The following SEMA5A variants were observed in gnomAD, a reference collection of about 807,000 sequenced individuals.
SEMA5A encodes the protein semaphorin 5A, also known as semaphorin-5A.
A neutral mutation model predicts 135.5 loss-of-function variants in SEMA5A; 55 were observed. The ratio of observed to expected loss-of-function variants is 0.41; its 90% CI spans 0.33 to 0.51. The LOEUF is 0.51. Among genes scored for constraint, SEMA5A ranks in the 20% least tolerant of loss-of-function variants. The pLI is 0.37. For missense variants in SEMA5A, 1,290 were observed against 1,419.9 expected (o/e 0.91, Z 1.47); for synonymous variants, 580 against 546.5 (o/e 1.06, Z -0.85).
chr5:9,109,423 G>A (rs149326955), intron 15 of SEMA5A, among the ~76,000 whole-genome samples: 3 of 152,282 alleles, frequency 2.0e-5, no homozygotes, highest in East Asian at 1.9e-4. Context: ...AAACAGCCTG[G>A]CATTCTACAG....
chr5:9,483,894 A>C (rs1168547983), intron 1 of SEMA5A, among the ~76,000 whole-genome samples: 4 of 152,246 alleles, frequency 2.6e-5, no homozygotes, highest in Non-Finnish European at 4.4e-5. Flanking sequence ...GACACAGATC[A>C]TTCCAGAGGT....
At chr5:9,312,047 C>G (rs1405963408) in intron 5 of SEMA5A, among the ~76,000 whole-genome samples, 4 of 152,096 alleles carry the variant, frequency 2.6e-5, no homozygotes, top group Non-Finnish European at 5.9e-5. Flanking sequence ...GCTCCAGCCC[C>G]TTTGTGTTTT....
At chr5:9,222,385 A>G (rs1470277608) in intron 8 of SEMA5A, among the ~76,000 whole-genome samples, 2 of 152,164 alleles carry the variant, frequency 1.3e-5, no homozygotes, top group African/African-American at 4.8e-5. Flanking sequence ...TATGAAGACA[A>G]CACTTCATAT....
intron 1 of SEMA5A, among the ~76,000 whole-genome samples, chr5:9,475,768 T>A (rs1388855032): frequency 1.3e-5 from 2 of 152,204 alleles, no homozygotes; most frequent in Non-Finnish European, 2.9e-5. Context: ...GTATTATCAG[T>A]GCCAAGCAAA....
chr5:9,288,072 T>C (rs148827033), intron 5 of SEMA5A, among the ~76,000 whole-genome samples: 123 of 152,202 alleles, frequency 8.1e-4, no homozygotes, highest in Middle Eastern at 6.8e-3. Flanking sequence ...ATGACATATC[T>C]AAAATAGAAT....
chr5:9,160,425 A>G (rs1413611389), intron 11 of SEMA5A, among the ~76,000 whole-genome samples: 1 of 152,238 alleles, frequency 6.6e-6, no homozygotes, highest in Non-Finnish European at 1.5e-5. Context: ...AAAAGTTCAC[A>G]TAACTATAGA....
chr5:9,077,066 A>G (rs760494543), intron 16 of SEMA5A, among the ~76,000 whole-genome samples: 2 of 152,188 alleles, frequency 1.3e-5, no homozygotes, highest in East Asian at 1.9e-4. Flanking sequence ...TGGGAGTCAC[A>G]GGGTAACTTA....
rs144689039 is a variant in SEMA5A at position 9,127,600 on chromosome 5, T to A, written c.1600-4763A>T. 2.8e-3 allele frequency among the ~76,000 whole-genome samples: 420 copies of A among 152,308 alleles called. 2 individuals are homozygous for A. Among genetic ancestry groups the A allele is most frequent in the Non-Finnish European group, 4.9e-3 (336 of 68,028 alleles). ...CTGCCTCACTCTTTGGTTTCTTGGGTCCTTCTGTGTTTGGGGGTTTATTTG... is the reference window on the plus strand; with the variant it reads ...CTGCCTCACTCTTTGGTTTCTTGGGACCTTCTGTGTTTGGGGGTTTATTTG... On this transcript the variant is annotated intron_variant, in intron 13 of 22. Coordinates refer to ENST00000382496, the MANE Select transcript of SEMA5A (RefSeq NM_003966.3).
At chr5:9,512,126 TAGAAAAGAGAGG>T (rs33911786) in intron 1 of SEMA5A, 89,670 of 151,518 alleles carry the variant, frequency 0.59, 27,318 homozygotes, top group African/African-American at 0.64. Flanking sequence ...TTGTGGCTTC[TAGAAAAGAGAGG>T]AGCTGACATA....
Position 9,434,671 on chromosome 5 carries a change from C to A in SEMA5A, c.-78+3085G>T, listed in dbSNP as rs553762738. 4.9e-4 allele frequency among the ~76,000 whole-genome samples: 74 copies of A among 152,146 alleles called. No individual in the cohort carries two copies. In the South Asian group the frequency reaches 0.014, roughly 29 times the overall value. On this transcript the variant is annotated intron_variant, in intron 2 of 22. Transcript: ENST00000382496. ...AATATATTATTCTGCAATTTGCTTTCTCAGTTAATAAGGAATCAAGGATAG... is the reference window on the plus strand; with the variant it reads ...AATATATTATTCTGCAATTTGCTTTATCAGTTAATAAGGAATCAAGGATAG...
chr5:9,108,327 T>C (rs771891734), intron 15 of SEMA5A, 40 bp from the exon 16 acceptor site: 3 of 1,607,164 alleles, frequency 1.9e-6, no homozygotes, highest in East Asian at 4.5e-5. Flanking sequence ...AACTAATTAG[T>C]GCCACTTGAA....
At position 9,250,464 on chromosome 5, in the gene SEMA5A, A is replaced by G. The variant is rs190812054; in HGVS notation, c.271-12574T>C. 5.9e-5 allele frequency among the ~76,000 whole-genome samples: 9 copies of G among 152,340 alleles called. No homozygotes were observed. The East Asian group carries it at 1.7e-3, about 29-fold the overall frequency. On this transcript the variant is annotated intron_variant, in intron 5 of 22. Transcript: ENST00000382496. ...ATACGATCCTGTTTAAAGAAAACAC[A>G]ATAAGACAGTAAATCTTCCAAAATA...
intron 1 of SEMA5A, among the ~76,000 whole-genome samples, chr5:9,464,306 G>GA (rs1272128941): frequency 6.6e-6 from 1 of 152,024 alleles, no homozygotes; most frequent in East Asian, 1.9e-4. Context: ...ATAGTTACAG[G>GA]AAAAAAACAG....
intron 5 of SEMA5A, among the ~76,000 whole-genome samples, chr5:9,306,713 G>T (rs562727972): frequency 6.6e-6 from 1 of 152,258 alleles, no homozygotes; most frequent in South Asian, 2.1e-4. Flanking sequence ...CAATAGCCAG[G>T]GATAGGGTGC....
At chr5:9,059,994 G>T (rs1033123162) in intron 18 of SEMA5A, among the ~76,000 whole-genome samples, 2 of 152,168 alleles carry the variant, frequency 1.3e-5, no homozygotes, top group Admixed American at 1.3e-4. Context: ...ACAGGAATCG[G>T]CCTCTAACTG....
intron 12 of SEMA5A, among the ~76,000 whole-genome samples, chr5:9,147,283 CTTTTCTTTTTCT>C (rs964170929): frequency 2.0e-5 from 3 of 151,966 alleles, no homozygotes; most frequent in South Asian, 4.2e-4. Flanking sequence ...TGTCTTTTTC[CTTTTCTTTTTCT>C]TTTTCTTTTT....
chr5:9,280,989 T>C (rs1750512670), intron 5 of SEMA5A, among the ~76,000 whole-genome samples: 1 of 152,200 alleles, frequency 6.6e-6, no homozygotes, highest in Non-Finnish European at 1.5e-5. Context: ...GAAAAACCAC[T>C]TTAAAAGTCT....
intron 11 of SEMA5A, among the ~76,000 whole-genome samples, chr5:9,161,989 G>C (rs1743281898): frequency 6.6e-6 from 1 of 152,228 alleles, no homozygotes; most frequent in Non-Finnish European, 1.5e-5. Flanking sequence ...CTGGCACACA[G>C]CTCACAGGCA....
intron 3 of SEMA5A, among the ~76,000 whole-genome samples, chr5:9,364,653 ATTT>A (rs1458909243): frequency 6.6e-6 from 1 of 152,204 alleles, no homozygotes; most frequent in Non-Finnish European, 1.5e-5. Context: ...AGCTTTCATA[ATTT>A]TTAATTATAA....
Sources: allele counts gnomAD v4.1 joint callset (sites outside exome capture counted in the v4.1 genomes callset), GRCh38; gene constraint gnomAD v4.1.1; transcripts MANE v1.5; gene names NCBI Gene and HGNC (gene_info 2026-07-23, HGNC 2026-07-21).